XKR9: variants seen among roughly 807,000 people sequenced by gnomAD.
XKR9 encodes the protein XK-related protein 9.
XKR9 carries 32 observed loss-of-function variants against 32.0 expected under a neutral mutation model. The ratio of observed to expected loss-of-function variants is 1.00; its 90% CI spans 0.76 to 1.34. The LOEUF (loss-of-function observed/expected upper bound fraction) is 1.34, where lower values mean the gene tolerates loss of function less well. Ranked by LOEUF, XKR9 falls within the 40% of genes most tolerant of loss-of-function variation. XKR9 has a pLI of 0.00. For missense variants in XKR9, 546 were observed against 429.7 expected, an observed-to-expected ratio of 1.27 and a Z score of -2.39; for synonymous variants, 168 against 143.4, an observed-to-expected ratio of 1.17 and a Z score of -1.22.
At chr8:70,804,358 C>T in the XKR9 span, among the ~76,000 whole-genome samples, 1 of 152,344 alleles carries the variant, frequency 6.6e-6, no homozygotes, top group Admixed American at 6.5e-5. Context: ...TTAAGTTTTA[C>T]ATTTATATCT....
intron 2 of XKR9, among the ~76,000 whole-genome samples, chr8:70,767,662 A>G (rs1385301679): frequency 6.6e-6 from 1 of 151,476 alleles, no homozygotes; most frequent in South Asian, 2.1e-4. Context: ...ATGACTGGCT[A>G]ATTTTTGTTT....
the XKR9 span, among the ~76,000 whole-genome samples, chr8:71,058,041 T>C: frequency 7.5e-3 from 1,138 of 151,408 alleles, 18 homozygotes; most frequent in African/African-American, 0.025. Context: ...ATTAGCCGGG[T>C]GTGGTGGCGG....
At chr8:70,683,171 G>A (rs1225720992) in intron 3 of XKR9, among the ~76,000 whole-genome samples, 1 of 152,138 alleles carries the variant, frequency 6.6e-6, no homozygotes, top group East Asian at 1.9e-4. Flanking sequence ...ATTCCAATAT[G>A]CTGGATCCTA....
chr8:70,742,393 G>A lies in XKR9; in HGVS notation n.352+35240G>A, dbSNP rs116835310. On this transcript the variant is annotated intron_variant and non_coding_transcript_variant, in intron 2 of 3. Coordinates refer to the XKR9 transcript ENST00000520273. ...TTTGCTTGTATGTTTGTGGGGTGAA[G>A]GTGAGAAAAGAAGTTAAGCTGCTTG... Among the ~76,000 whole-genome samples the A allele has an allele frequency of 2.5e-3, 381 of 152,290 alleles. 6 individuals are homozygous for A. Among genetic ancestry groups the A allele is most frequent in the African/African-American group, 8.7e-3 (361 of 41,578 alleles).
the XKR9 span, among the ~76,000 whole-genome samples, chr8:70,899,119 G>T: frequency 1.3e-5 from 2 of 151,980 alleles, no homozygotes; most frequent in Non-Finnish European, 2.9e-5. Context: ...GTCTCACTAT[G>T]TTGCTCAGGC....
the XKR9 span, among the ~76,000 whole-genome samples, chr8:70,939,469 T>C: frequency 6.6e-6 from 1 of 152,098 alleles, no homozygotes; most frequent in East Asian, 1.9e-4. Flanking sequence ...TTCATATTTA[T>C]TTCCCCACCT....
At chr8:70,900,991 T>A in the XKR9 span, among the ~76,000 whole-genome samples, 1 of 152,196 alleles carries the variant, frequency 6.6e-6, no homozygotes, top group East Asian at 1.9e-4. Flanking sequence ...CATGAACTCA[T>A]CCTTTTTTAT....
chr8:70,932,595 C>G, the XKR9 span, among the ~76,000 whole-genome samples: 3 of 152,150 alleles, frequency 2.0e-5, no homozygotes, highest in African/African-American at 2.4e-5. Flanking sequence ...CAAAATACTA[C>G]AGGTTGGGTT....
chr8:70,704,816 T>C (rs1236808361), intron 3 of XKR9, among the ~76,000 whole-genome samples: 1 of 152,250 alleles, frequency 6.6e-6, no homozygotes, highest in Non-Finnish European at 1.5e-5. Context: ...ACACGACTTT[T>C]CTTAGAAATC....
the XKR9 span, among the ~76,000 whole-genome samples, chr8:71,021,498 CTTTTTTTTTTTTT>C: frequency 8.0e-4 from 81 of 101,410 alleles, 3 homozygotes; most frequent in South Asian, 0.025. Flanking sequence ...TTGATGGTTT[CTTTTTTTTTTTTT>C]TTTTTTTTTG....
the XKR9 span, among the ~76,000 whole-genome samples, chr8:71,041,832 T>C: frequency 6.6e-6 from 1 of 152,182 alleles, no homozygotes; most frequent in Admixed American, 6.5e-5. Flanking sequence ...TGATTGTAAG[T>C]TCCCTGAGGC....
the XKR9 span, among the ~76,000 whole-genome samples, chr8:70,832,547 T>TGTA: frequency 6.6e-6 from 1 of 152,256 alleles, no homozygotes; most frequent in East Asian, 1.9e-4. Flanking sequence ...GTGGTTTTGT[T>TGTA]GTAGCAGGGT....
At chr8:70,670,541 CACAT>C (rs934812697) in intron 1 of XKR9, 8 of 151,068 alleles carry the variant, frequency 5.3e-5, no homozygotes, top group Admixed American at 3.3e-4. Context: ...GAGAAATTGA[CACAT>C]ACAGTGCTTG....
chr8:70,711,437 CA>C (rs1805916919), intron 4 of XKR9, among the ~76,000 whole-genome samples: 1 of 152,106 alleles, frequency 6.6e-6, no homozygotes, highest in Non-Finnish European at 1.5e-5. Flanking sequence ...TGGAATACTA[CA>C]AAGCCATAAA....
the XKR9 span, among the ~76,000 whole-genome samples, chr8:70,810,663 T>A: frequency 1.3e-5 from 2 of 151,958 alleles, no homozygotes; most frequent in Non-Finnish European, 2.9e-5. Flanking sequence ...AAACAGAATT[T>A]AAACCCACAA....
the XKR9 span, among the ~76,000 whole-genome samples, chr8:70,877,003 A>G: frequency 6.6e-6 from 1 of 152,314 alleles, no homozygotes; most frequent in African/African-American, 2.4e-5. Context: ...TACTGCCAGG[A>G]AGAAATACCC....
intron 2 of XKR9, among the ~76,000 whole-genome samples, chr8:70,786,460 T>A (rs141612071): frequency 4.6e-4 from 70 of 152,292 alleles, no homozygotes; most frequent in Non-Finnish European, 9.3e-4. Context: ...GATGCTCTGA[T>A]GTTGGGTACA....
At chr8:70,910,892 G>C in the XKR9 span, among the ~76,000 whole-genome samples, 1 of 152,196 alleles carries the variant, frequency 6.6e-6, no homozygotes, top group Non-Finnish European at 1.5e-5. Context: ...GCTGAAGGCT[G>C]TTCTCAGCTT....
chr8:70,669,639 T>TGTGTGTGTGTGTGTGTGTGTG lies in XKR9; in HGVS notation c.-361+101_-361+102insGTGTGTGTGTGTGTGTGTGTG, dbSNP rs1563411666. The stretch of plus-strand genomic sequence containing the variant: ...GTGTGTGTGTGTGTGTGTGTGTGTG[T>TGTGTGTGTGTGTGTGTGTGTG]AGTAGTAGTAGTAGTAGCCTGTTCA... On this transcript the variant is annotated intron_variant, in intron 1 of 4. Transcript: ENST00000408926. 1.3e-4 allele frequency: 12 copies of TGTGTGTGTGTGTGTGTGTGTG among 91,076 alleles called. 1 individual carries two copies. Among genetic ancestry groups the TGTGTGTGTGTGTGTGTGTGTG allele is most frequent in the Non-Finnish European group, 2.1e-4 (10 of 47,294 alleles). The allele number at this position is 91,076 out of a possible 1,614,324, so 5.6% of individuals were successfully genotyped here.
Sources: gnomAD v4.1 joint callset for allele counts (sites outside exome capture counted in the v4.1 genomes callset) on GRCh38, gnomAD v4.1.1 for gene constraint, MANE v1.5 for transcripts, NCBI Gene and HGNC (gene_info 2026-07-23, HGNC 2026-07-21) for gene names.